The following CPSF3 variants were observed in gnomAD, a reference collection of about 807,000 sequenced individuals.
CPSF3 encodes cleavage and polyadenylation specific factor 3.
CPSF3 carries 57 observed loss-of-function variants against 84.1 expected under a neutral mutation model. The observed-to-expected ratio is 0.68, with a 90% CI of 0.55 to 0.85. The LOEUF is 0.85. Among genes scored for constraint, CPSF3 ranks in the 40% least tolerant of loss-of-function variants. CPSF3 has a pLI of 0.00. For missense variants in CPSF3, 522 were observed against 838.8 expected, an observed-to-expected ratio of 0.62 and a Z score of 4.66; for synonymous variants, 275 against 278.1, an observed-to-expected ratio of 0.99 and a Z score of 0.11.
At position 9,430,834 on chromosome 2, in the gene CPSF3, A is replaced by C; in HGVS notation, c.295A>C (p.Thr99Pro). The C allele has an allele frequency of 2.5e-6, 4 of 1,613,372 alleles. No individual in the cohort carries two copies. The highest frequency in any genetic ancestry group is 3.4e-6 in the Non-Finnish European group (4 of 1,179,320). ...AGGAAGAACATTTATGACTCATGCC[A>C]CAAAAGCTATTTATAGATGGCTTCT... is the stretch of plus-strand genomic sequence containing the variant. ...FKGRTFMTHA[T>P]KAIYRWLLSD... The change falls in exon 4 of 18, where the codon ACA (threonine) becomes CCA (proline). Residue 99 changes from threonine (T) to proline (P), a missense_variant. Thr to Pro is a conservative substitution (Grantham distance 38). Coordinates refer to ENST00000238112, the MANE Select transcript of CPSF3 (RefSeq NM_016207.4).
In CPSF3 at chr2:9,455,717, T is replaced by A. The variant is rs934078843; in HGVS notation, c.1563T>A (p.Gly521=). 1.2e-6 allele frequency: 2 copies of A among 1,613,994 alleles called. No homozygotes were observed. The highest frequency in any genetic ancestry group is 3.3e-5 in the Admixed American group (2 of 59,990). ...VKQTQAIPYT[G]PFNLLCYQLQ... is the part of the protein sequence containing the mutation. ...AGACCCAAGCCATTCCATATACTGG[T>A]CCCTTTAATTTGCTCTGTTACCAGC... is the stretch of plus-strand genomic sequence containing the variant. The change falls in exon 13 of 18, where the codon GGT becomes GGA. Residue 521 remains glycine, a synonymous_variant. Coordinates refer to ENST00000238112, the MANE Select transcript of CPSF3 (RefSeq NM_016207.4).
chr2:9,447,689 C>A (rs1486426422), intron 10 of CPSF3, among the ~76,000 whole-genome samples: 1 of 151,762 alleles, frequency 6.6e-6, no homozygotes, highest in South Asian at 2.1e-4. Context: ...GCAGGAGAAT[C>A]GCTTGAACTC....
intron 1 of CPSF3, 74 bp downstream of exon 1, chr2:9,423,897 C>T: frequency 1.3e-6 from 2 of 1,572,264 alleles, no homozygotes; most frequent in Admixed American, 3.8e-5. Context: ...GACTGGCCTC[C>T]TCCGTCGCCC....
chr2:9,456,606 A>T (rs1433717293), intron 13 of CPSF3, among the ~76,000 whole-genome samples: 2 of 152,242 alleles, frequency 1.3e-5, no homozygotes, highest in Non-Finnish European at 2.9e-5. Flanking sequence ...AGCTGGCAAC[A>T]ATTGACAAAT....
chr2:9,460,050 TATAAA>T (rs1268491634), intron 15 of CPSF3, among the ~76,000 whole-genome samples: 2 of 152,300 alleles, frequency 1.3e-5, no homozygotes, highest in Admixed American at 1.3e-4. Flanking sequence ...ATCTTTAAGA[TATAAA>T]ATACACACAG....
intron 7 of CPSF3, among the ~76,000 whole-genome samples, chr2:9,438,014 A>G (rs1001815241): frequency 5.3e-5 from 8 of 152,250 alleles, no homozygotes; most frequent in Non-Finnish European, 1.2e-4. Context: ...AAAAAAGCAA[A>G]TAATAAAATG....
intron 7 of CPSF3, among the ~76,000 whole-genome samples, chr2:9,438,774 CTGAG>C (rs1169442976): frequency 6.6e-6 from 1 of 152,114 alleles, no homozygotes; most frequent in Non-Finnish European, 1.5e-5. Context: ...TCAAATTTAA[CTGAG>C]TATTTGATAT....
rs201017284 is a variant in CPSF3, at chr2:9,432,586, C to T, written c.417C>T (p.Asn139=). 2.8e-5 allele frequency: 44 copies of T among 1,574,346 alleles called. No individual in the cohort carries two copies. The East Asian group carries it at 7.9e-4, about 28-fold the overall frequency. The change falls in exon 5 of 18, where the codon AAC becomes AAT. Residue 139 remains asparagine, a synonymous_variant. Transcript: ENST00000238112. The part of the protein sequence containing the change: ...EESMDKIETI[N]FHEVKEVAGI... ...GCATGGACAAAATTGAAACTATCAA[C>T]TTTCATGAAGTTAAGGAAGTTGCGG...
intron 8 of CPSF3, 69 bp from the exon 9 acceptor site, chr2:9,441,749 T>C (rs1680964921): frequency 6.7e-7 from 1 of 1,498,038 alleles, no homozygotes; most frequent in Non-Finnish European, 9.2e-7. Flanking sequence ...TGTTATTCTT[T>C]AAAAAGAAAG....
At chr2:9,447,545 GGAGGCCAAGGTGGGTGTCAAGAGTTC>G (rs1275055757) in intron 10 of CPSF3, among the ~76,000 whole-genome samples, 1 of 152,044 alleles carries the variant, frequency 6.6e-6, no homozygotes, top group East Asian at 1.9e-4. Context: ...CAGCACTTTG[GGAGGCCAAGGTGGGTGTCAAGAGTTC>G]GAGACCAGCC....
rs139515537 is a variant in CPSF3 at position 9,438,266 on chromosome 2, T to C, written c.760+1905T>C. Among the ~76,000 whole-genome samples the C allele has an allele frequency of 1.8e-4, 27 of 152,346 alleles. No individual in the cohort carries two copies. In the East Asian group the frequency reaches 4.6e-3, roughly 26 times the overall value. ...TCTAATTCAGTCTTTTGATCTTGATTGGTCCTCCTTCCTAACTGCAAGTCA... is the reference window on the plus strand; with the variant it reads ...TCTAATTCAGTCTTTTGATCTTGATCGGTCCTCCTTCCTAACTGCAAGTCA... On this transcript the variant is annotated intron_variant, in intron 7 of 17. Coordinates refer to ENST00000238112, the MANE Select transcript of CPSF3 (RefSeq NM_016207.4).
At chr2:9,429,097 T>C (rs1277836084) in intron 2 of CPSF3, among the ~76,000 whole-genome samples, 1 of 152,188 alleles carries the variant, frequency 6.6e-6, no homozygotes, top group Non-Finnish European at 1.5e-5. Context: ...TCCTGAAGGG[T>C]TGAGCCAGCC....
intron 1 of CPSF3, among the ~76,000 whole-genome samples, chr2:9,426,446 G>A (rs974148740): frequency 4.6e-5 from 7 of 152,254 alleles, no homozygotes; most frequent in East Asian, 1.9e-4. Flanking sequence ...ATGAAGTCCC[G>A]GGAGAGATCC....
chr2:9,442,433 C>T (rs1003862714), intron 9 of CPSF3, among the ~76,000 whole-genome samples: 1 of 152,200 alleles, frequency 6.6e-6, no homozygotes, highest in Non-Finnish European at 1.5e-5. Flanking sequence ...GAGGCAGTTT[C>T]TGAGCATCCA....
Position 9,426,311 on chromosome 2 carries a change from C to T in CPSF3, c.51-2454C>T, listed in dbSNP as rs529117321. ...CAAGGGAAAGCATCTGAGAAGGTGA[C>T]GTTGGAACTGAGACCCAAATGATAC... On this transcript the variant is annotated intron_variant, in intron 1 of 17. Transcript: ENST00000238112. Among the ~76,000 whole-genome samples the T allele has an allele frequency of 4.3e-4, 66 of 152,248 alleles. No individual in the cohort carries two copies. The South Asian group carries it at 0.013, about 30-fold the overall frequency.
At chr2:9,432,216 T>C (rs1349650989) in intron 4 of CPSF3, among the ~76,000 whole-genome samples, 1 of 152,196 alleles carries the variant, frequency 6.6e-6, no homozygotes, top group Non-Finnish European at 1.5e-5. Flanking sequence ...AGAAGTACTA[T>C]CCTAAAGAGT....
chr2:9,423,729 C>T lies in CPSF3; in HGVS notation c.-45C>T, dbSNP rs1680203519. On this transcript the variant is annotated 5_prime_UTR_variant, in exon 1 of 18. Transcript: ENST00000238112. ...GCTGTGCTTCCAATTTAGGAAGACC[C>T]CGGCGACCTGTTCCTCACCCCCGCT... is the stretch of plus-strand genomic sequence containing the variant. 1 of 1,605,870 alleles carries T rather than the reference C, an allele frequency of 6.2e-7. No individual in the cohort carries two copies. Among genetic ancestry groups the T allele is most frequent in the Non-Finnish European group, 8.5e-7 (1 of 1,176,702 alleles).
chr2:9,444,154 A>ATTT (rs1308148543), intron 10 of CPSF3, among the ~76,000 whole-genome samples: 3 of 141,424 alleles, frequency 2.1e-5, no homozygotes, highest in African/African-American at 8.0e-5. Context: ...ATATATATAT[A>ATTT]TATATTTTTT....
At chr2:9,431,306 G>A (rs1317483902) in intron 4 of CPSF3, among the ~76,000 whole-genome samples, 2 of 152,150 alleles carry the variant, frequency 1.3e-5, no homozygotes, top group Non-Finnish European at 2.9e-5. Context: ...CTCCTGCCTT[G>A]GCCTCCCAGA....
Sources: allele counts gnomAD v4.1 joint callset (sites outside exome capture counted in the v4.1 genomes callset), GRCh38; gene constraint gnomAD v4.1.1; transcripts MANE v1.5; gene names NCBI Gene and HGNC (gene_info 2026-07-23, HGNC 2026-07-21).